XKR9: variants seen among roughly 807,000 people sequenced by gnomAD.
The protein encoded by XKR9 is XK related 9.
XKR9 carries 32 observed loss-of-function variants against 32.0 expected under a neutral mutation model. The observed-to-expected ratio is 1.00, with a 90% CI of 0.76 to 1.34. The LOEUF is 1.34. XKR9 is among the 40% of genes most tolerant of loss of function. XKR9 has a pLI of 0.00. For synonymous variants in XKR9, 168 were observed against 143.4 expected (o/e 1.17, Z -1.22); for missense variants, 546 against 429.7 (o/e 1.27, Z -2.39).
At chr8:70,724,782 G>T (rs1322308117) in intron 4 of XKR9, among the ~76,000 whole-genome samples, 1 of 152,126 alleles carries the variant, frequency 6.6e-6, no homozygotes, top group Non-Finnish European at 1.5e-5. Context: ...TTCTGCATTG[G>T]TCTTGTTGGG....
chr8:70,900,533 G>A, the XKR9 span, among the ~76,000 whole-genome samples: 3 of 151,906 alleles, frequency 2.0e-5, no homozygotes, highest in East Asian at 1.9e-4. Flanking sequence ...AGATTGCAGT[G>A]AGCCGAGATC....
chr8:70,721,508 CT>C (rs1355764320), intron 4 of XKR9, among the ~76,000 whole-genome samples: 7 of 152,042 alleles, frequency 4.6e-5, no homozygotes, highest in African/African-American at 1.7e-4. Flanking sequence ...TGTGTCTTTG[CT>C]CTCATTGGTT....
At chr8:70,698,349 G>A (rs1329946316) in intron 3 of XKR9, among the ~76,000 whole-genome samples, 2 of 152,146 alleles carry the variant, frequency 1.3e-5, no homozygotes, top group Admixed American at 1.3e-4. Context: ...TCTACACACT[G>A]CTTTGAATGT....
chr8:70,842,458 A>G, the XKR9 span, among the ~76,000 whole-genome samples: 1 of 152,074 alleles, frequency 6.6e-6, no homozygotes, highest in Non-Finnish European at 1.5e-5. Flanking sequence ...ATGTTATTTA[A>G]TAGATGGGTT....
chr8:70,738,763 C>T (rs1029018315), downstream of XKR9, among the ~76,000 whole-genome samples: 6 of 152,138 alleles, frequency 3.9e-5, no homozygotes, highest in East Asian at 3.9e-4. Flanking sequence ...GTTCAGTTTC[C>T]GTGTAGTTGA....
At chr8:70,673,216 G>C (rs1233594305) in intron 1 of XKR9, among the ~76,000 whole-genome samples, 2 of 152,098 alleles carry the variant, frequency 1.3e-5, no homozygotes, top group Non-Finnish European at 2.9e-5. Flanking sequence ...AATCCTTCTT[G>C]AGTTGGCTTT....
chr8:70,669,423 A>C lies in XKR9; in HGVS notation c.-476A>C, dbSNP rs970526303. 1.9e-5 allele frequency: 7 copies of C among 370,380 alleles called. No individual in the cohort carries two copies. Among genetic ancestry groups the C allele is most frequent in the African/African-American group, 1.5e-4 (7 of 46,098 alleles). The allele number at this position is 370,380 out of a possible 1,614,324, so 22.9% of individuals were successfully genotyped here. The stretch of plus-strand genomic sequence containing the variant: ...GTGAGGTGGCGTGAGGCGAAGCTGG[A>C]ATCTGCCTCTGTCACGGGGGCTGGT... On this transcript the variant is annotated 5_prime_UTR_variant, in exon 1 of 5. Coordinates refer to ENST00000408926, the MANE Select transcript of XKR9 (RefSeq NM_001011720.2).
intron 3 of XKR9, chr8:70,790,061 T>C (rs2130268132): frequency 6.6e-6 from 1 of 151,808 alleles, no homozygotes; most frequent in African/African-American, 2.4e-5. Context: ...TTTTTTTTTT[T>C]TTTTGGCCTC....
chr8:70,793,876 C>T (rs2130275580), downstream of XKR9, among the ~76,000 whole-genome samples: 1 of 151,974 alleles, frequency 6.6e-6, no homozygotes, highest in African/African-American at 2.4e-5. Flanking sequence ...ATCAGCTCTC[C>T]ATTTCTGTCA....
the XKR9 span, among the ~76,000 whole-genome samples, chr8:70,850,461 CTCA>C: frequency 1.3e-5 from 1 of 76,830 alleles, no homozygotes; most frequent in East Asian, 3.4e-4. Context: ...AAGACTCCTT[CTCA>C]AAAAAAAAAA....
At chr8:70,701,850 T>G (rs766146814) in intron 3 of XKR9, among the ~76,000 whole-genome samples, 1 of 152,192 alleles carries the variant, frequency 6.6e-6, no homozygotes, top group Non-Finnish European at 1.5e-5. Context: ...AGAATATAAA[T>G]TAAATGACAG....
intron 2 of XKR9, among the ~76,000 whole-genome samples, chr8:70,765,166 A>G (rs937102890): frequency 6.6e-6 from 1 of 152,184 alleles, no homozygotes; most frequent in Non-Finnish European, 1.5e-5. Context: ...AAGAATCACC[A>G]CATTGTCTTC....
chr8:71,057,586 T>C, the XKR9 span, among the ~76,000 whole-genome samples: 1 of 152,290 alleles, frequency 6.6e-6, no homozygotes, highest in African/African-American at 2.4e-5. Flanking sequence ...TAAGGGGTGG[T>C]GATGATATAT....
At chr8:71,054,798 A>T in the XKR9 span, among the ~76,000 whole-genome samples, 1 of 152,070 alleles carries the variant, frequency 6.6e-6, no homozygotes, top group East Asian at 1.9e-4. Flanking sequence ...TGGTGGGAGG[A>T]TTCAAAAGAT....
chr8:70,914,854 C>T, the XKR9 span, among the ~76,000 whole-genome samples: 2 of 152,196 alleles, frequency 1.3e-5, no homozygotes, highest in Non-Finnish European at 2.9e-5. Context: ...TGGATTCTTC[C>T]TGCTTGCTGC....
chr8:70,894,797 T>A, the XKR9 span, among the ~76,000 whole-genome samples: 1 of 152,112 alleles, frequency 6.6e-6, no homozygotes, highest in African/African-American at 2.4e-5. Flanking sequence ...ACGACTCCAC[T>A]TCTGCTTGCC....
chr8:70,755,909 A>G (rs1036721498), intron 2 of XKR9, among the ~76,000 whole-genome samples: 4 of 152,138 alleles, frequency 2.6e-5, no homozygotes, highest in African/African-American at 9.6e-5. Context: ...TTAAAGTATA[A>G]TAATAATAAT....
the XKR9 span, among the ~76,000 whole-genome samples, chr8:71,021,460 C>T: frequency 4.0e-5 from 6 of 150,500 alleles, no homozygotes; most frequent in Admixed American, 3.3e-4. Context: ...ATATTTTTTC[C>T]CATTTTGTAG....
chr8:70,973,921 T>C, the XKR9 span, among the ~76,000 whole-genome samples: 108 of 152,326 alleles, frequency 7.1e-4, no homozygotes, highest in African/African-American at 2.5e-3. Context: ...TGCTGATGAA[T>C]AGAATGTATA....
Sources: allele counts gnomAD v4.1 joint callset (sites outside exome capture counted in the v4.1 genomes callset), GRCh38; gene constraint gnomAD v4.1.1; transcripts MANE v1.5; gene names NCBI Gene and HGNC (gene_info 2026-07-23, HGNC 2026-07-21).